Variants in KPNA3 observed in about 807,000 individuals in gnomAD.
The protein encoded by KPNA3 is karyopherin subunit alpha 3.
In KPNA3, 13 loss-of-function variants were observed where a neutral mutation model predicts 73.8. That is an observed-to-expected ratio of 0.18 (90% CI 0.11 to 0.28). The LOEUF (loss-of-function observed/expected upper bound fraction) is 0.28. KPNA3 is among the 10% of genes least tolerant of loss of function. The pLI is 1.00. For synonymous variants in KPNA3, 186 were observed against 206.9 expected, an observed-to-expected ratio of 0.90 and a Z score of 0.87; for missense variants, 360 against 618.1, an observed-to-expected ratio of 0.58 and a Z score of 4.43.
chr13:49,770,678 T>C (rs1954845958), intron 1 of KPNA3, among the ~76,000 whole-genome samples: 1 of 152,084 alleles, frequency 6.6e-6, no homozygotes, highest in Admixed American at 6.5e-5. Flanking sequence ...ATATCTTTAA[T>C]CAACTTTGAG....
chr13:49,771,461 ATTTTGTT>A (rs1954854889), intron 1 of KPNA3, among the ~76,000 whole-genome samples: 1 of 152,114 alleles, frequency 6.6e-6, no homozygotes, highest in East Asian at 1.9e-4. Context: ...CAAAATTGTT[ATTTTGTT>A]TTTTAAGACG....
At chr13:49,776,392 A>G (rs972566854) in intron 1 of KPNA3, among the ~76,000 whole-genome samples, 9 of 152,226 alleles carry the variant, frequency 5.9e-5, no homozygotes, top group Non-Finnish European at 1.2e-4. Context: ...TTTCACATCT[A>G]TTGAAGGATT....
intron 10 of KPNA3, among the ~76,000 whole-genome samples, chr13:49,715,178 T>C (rs1451721820): frequency 2.0e-5 from 3 of 151,944 alleles, no homozygotes; most frequent in Non-Finnish European, 4.4e-5. Context: ...TTAAAAAAAA[T>C]TGATGAATTT....
At chr13:49,719,542 A>T (rs1265959927) in intron 10 of KPNA3, among the ~76,000 whole-genome samples, 1 of 152,206 alleles carries the variant, frequency 6.6e-6, no homozygotes, top group African/African-American at 2.4e-5. Context: ...TAATAATGAC[A>T]GAAATAAACT....
At chr13:49,759,514 T>A (rs980261617) in intron 1 of KPNA3, among the ~76,000 whole-genome samples, 1 of 152,196 alleles carries the variant, frequency 6.6e-6, no homozygotes, top group Non-Finnish European at 1.5e-5. Context: ...CAACTCACCA[T>A]AATGTAGAAT....
intron 12 of KPNA3, among the ~76,000 whole-genome samples, chr13:49,707,235 C>T (rs946115541): frequency 6.6e-6 from 1 of 152,094 alleles, no homozygotes; most frequent in Non-Finnish European, 1.5e-5. Flanking sequence ...ATTTATAAGT[C>T]ATAAACACGT....
intron 12 of KPNA3, 68 bp from the exon 13 acceptor site, chr13:49,706,440 T>G (rs1954208286): frequency 1.9e-6 from 2 of 1,054,316 alleles, no homozygotes; most frequent in Admixed American, 4.6e-5. Flanking sequence ...TTCTAATATA[T>G]TTTATATAGA....
chr13:49,710,390 G>A lies in KPNA3; in HGVS notation c.903+501C>T, dbSNP rs570430261. Among the ~76,000 whole-genome samples the A allele has an allele frequency of 2.0e-5, 3 of 152,310 alleles. No homozygotes were observed. In the East Asian group the frequency reaches 5.8e-4, roughly 29 times the overall value. ...CCCTAATTAGAGTGGGAGAGAGAAA[G>A]AAGAAATGCAATTAGGTTATTGCAA... On this transcript the variant is annotated intron_variant, in intron 11 of 16. Transcript: ENST00000261667.
At chr13:49,770,846 A>AG (rs1954848595) in intron 1 of KPNA3, among the ~76,000 whole-genome samples, 6 of 151,518 alleles carry the variant, frequency 4.0e-5, no homozygotes, top group African/African-American at 1.5e-4. Context: ...AAAAAAAAAA[A>AG]AAAAAAGAAA....
At chr13:49,769,632 A>G (rs1024652454) in intron 1 of KPNA3, among the ~76,000 whole-genome samples, 2 of 152,204 alleles carry the variant, frequency 1.3e-5, no homozygotes, top group African/African-American at 4.8e-5. Context: ...TTATTGCTGA[A>G]TAATATTCTA....
intron 1 of KPNA3, among the ~76,000 whole-genome samples, chr13:49,751,245 A>C (rs1954660389): frequency 6.6e-6 from 1 of 152,152 alleles, no homozygotes; most frequent in African/African-American, 2.4e-5. Context: ...TCCTAATGTT[A>C]GGAAACTGTA....
intron 1 of KPNA3, among the ~76,000 whole-genome samples, chr13:49,788,056 A>T (rs1417179999): frequency 6.6e-6 from 1 of 152,210 alleles, no homozygotes; most frequent in African/African-American, 2.4e-5. Flanking sequence ...AAGGCCACTT[A>T]CTTAAGGGTT....
intron 1 of KPNA3, among the ~76,000 whole-genome samples, chr13:49,778,956 T>A (rs911847882): frequency 1.3e-5 from 2 of 152,202 alleles, no homozygotes; most frequent in Admixed American, 6.5e-5. Context: ...TAAAAACAAG[T>A]GATTTTTGAT....
intron 1 of KPNA3, among the ~76,000 whole-genome samples, chr13:49,747,928 A>G (rs1445486720): frequency 6.6e-6 from 1 of 152,008 alleles, no homozygotes; most frequent in African/African-American, 2.4e-5. Context: ...AAAGTGGCTC[A>G]CTCTCTCCTA....
At chr13:49,752,569 T>C (rs1954672295) in intron 1 of KPNA3, among the ~76,000 whole-genome samples, 2 of 151,224 alleles carry the variant, frequency 1.3e-5, no homozygotes, top group African/African-American at 4.9e-5. Context: ...TTAGAAAAAC[T>C]CAGAAATGAG....
chr13:49,780,890 A>G (rs933596928), intron 1 of KPNA3, among the ~76,000 whole-genome samples: 13 of 151,408 alleles, frequency 8.6e-5, no homozygotes, highest in African/African-American at 3.2e-4. Flanking sequence ...CCGGCTAATT[A>G]TTGTATTTTT....
intron 1 of KPNA3, among the ~76,000 whole-genome samples, chr13:49,749,408 A>G (rs1954643874): frequency 6.6e-6 from 1 of 152,218 alleles, no homozygotes; most frequent in Non-Finnish European, 1.5e-5. Flanking sequence ...AGATATACGA[A>G]TTGACTAGAA....
intron 2 of KPNA3, among the ~76,000 whole-genome samples, chr13:49,745,049 T>C (rs1954604623): frequency 6.6e-6 from 1 of 152,184 alleles, no homozygotes; most frequent in Non-Finnish European, 1.5e-5. Flanking sequence ...TAAGGATATA[T>C]TTGGTTATGT....
chr13:49,740,033 T>C (rs1175134292), intron 2 of KPNA3, among the ~76,000 whole-genome samples: 1 of 152,078 alleles, frequency 6.6e-6, no homozygotes, highest in Non-Finnish European at 1.5e-5. Context: ...GGCAGATTGC[T>C]TGAGCTCAGA....
Sources: allele counts gnomAD v4.1 joint callset (sites outside exome capture counted in the v4.1 genomes callset), GRCh38; gene constraint gnomAD v4.1.1; transcripts MANE v1.5; gene names NCBI Gene and HGNC (gene_info 2026-07-23, HGNC 2026-07-21).